TMEM87B: variants seen among roughly 807,000 people sequenced by gnomAD.
The protein encoded by TMEM87B is transmembrane protein 87B.
Under a neutral mutation model 80.3 loss-of-function variants are expected in TMEM87B, and 83 were observed. The ratio of observed to expected loss-of-function variants is 1.03; its 90% CI spans 0.87 to 1.24. TMEM87B has a LOEUF of 1.24. Among genes scored for constraint, TMEM87B ranks in the 50% most tolerant of loss-of-function variants. The pLI, the probability that TMEM87B is intolerant of heterozygous loss-of-function variation, is 0.00. For synonymous variants in TMEM87B, 219 were observed against 230.5 expected (o/e 0.95, Z 0.45); for missense variants, 625 against 674.4 (o/e 0.93, Z 0.81).
rs1678029763 is a variant in TMEM87B, at chr2:112,055,746, C to A, written c.155C>A (p.Thr52Lys). The change falls in exon 1 of 19, where the codon ACA (threonine) becomes AAA (lysine). Residue 52 changes from threonine (T) to lysine (K), a missense_variant. By Grantham distance (78) the Thr-to-Lys change is moderately conservative. Transcript: ENST00000283206. ...AVPELGLWLE[T>K]VNDKSGPLIF... ...CCTGAGCTCGGGCTCTGGTTAGAGA[C>A]AGTCAACGACGTAAGTGGAGTGTCG... 3.3e-6 allele frequency: 5 copies of A among 1,493,906 alleles called. No homozygotes were observed. Among genetic ancestry groups the A allele is most frequent in the East Asian group, 5.3e-5 (2 of 37,822 alleles). 92.5% of individuals were successfully genotyped at this position (1,493,906 alleles called of 1,614,324 possible). A position where few individuals can be genotyped will look rare whatever the true frequency, so the allele number is the denominator to read the frequency against.
chr2:112,112,756 G>A, intron 17 of TMEM87B, 143 bp from the exon 18 acceptor site: 3 of 728,830 alleles, frequency 4.1e-6, no homozygotes, highest in South Asian at 3.6e-5. Flanking sequence ...GTCTGTCTGC[G>A]AGCCTAGATG....
At chr2:112,096,199 C>G (rs1679464249) in intron 11 of TMEM87B, among the ~76,000 whole-genome samples, 1 of 152,154 alleles carries the variant, frequency 6.6e-6, no homozygotes, top group East Asian at 1.9e-4. Context: ...ATCCACTGAT[C>G]GATCTGAACA....
intron 11 of TMEM87B, chr2:112,095,170 T>C (rs1573716497): frequency 2.0e-4 from 16 of 79,126 alleles, no homozygotes; most frequent in Non-Finnish European, 2.2e-4. Flanking sequence ...TCTTTCTTTT[T>C]TTTTTTTTTT....
At chr2:112,095,088 T>C in intron 11 of TMEM87B, 1 of 787,828 alleles carries the variant, frequency 1.3e-6, no homozygotes. Context: ...GCCATAGCCT[T>C]AGCCTTTCTC....
rs560346971 is a variant in TMEM87B, at chr2:112,116,153, G to A, written c.*10G>A. The A allele has an allele frequency of 3.0e-4, 490 of 1,609,336 alleles. 6 individuals carry two copies. In the South Asian group the frequency reaches 4.7e-3, roughly 15 times the overall value. ...AGAAAAGATAATGTGATTGGAACCC[G>A]TATAAGAAATGTAGTTAAGCCTGAA... On this transcript the variant is annotated 3_prime_UTR_variant, in exon 19 of 19. Coordinates refer to ENST00000283206, the MANE Select transcript of TMEM87B (RefSeq NM_032824.3).
chr2:112,092,527 G>C (rs1679334808), intron 11 of TMEM87B, among the ~76,000 whole-genome samples: 1 of 152,220 alleles, frequency 6.6e-6, no homozygotes, highest in African/African-American at 2.4e-5. Context: ...GATGACGTGG[G>C]AAAGGAGAGT....
chr2:112,075,853 G>A (rs796154152), intron 5 of TMEM87B, among the ~76,000 whole-genome samples: 3 of 152,288 alleles, frequency 2.0e-5, no homozygotes, highest in African/African-American at 7.2e-5. Context: ...GTCATATGAT[G>A]AGGAGTAGGA....
At chr2:112,115,731 G>A (rs1000057611) in intron 18 of TMEM87B, among the ~76,000 whole-genome samples, 3 of 152,098 alleles carry the variant, frequency 2.0e-5, no homozygotes, top group Non-Finnish European at 2.9e-5. Flanking sequence ...GGAAGTTGAA[G>A]TTTTCTGAAC....
At chr2:112,111,377 A>G (rs1679912315) in intron 17 of TMEM87B, among the ~76,000 whole-genome samples, 1 of 152,204 alleles carries the variant, frequency 6.6e-6, no homozygotes, top group Admixed American at 6.5e-5. Context: ...TTCTCTTTGC[A>G]TGTGAGGAAG....
chr2:112,067,947 C>T (rs1294280231), intron 4 of TMEM87B, among the ~76,000 whole-genome samples: 2 of 152,176 alleles, frequency 1.3e-5, no homozygotes, highest in Non-Finnish European at 2.9e-5. Context: ...GGCGTGGTGG[C>T]TCAGCCTGTA....
intron 1 of TMEM87B, among the ~76,000 whole-genome samples, chr2:112,058,046 C>T (rs904707624): frequency 6.6e-6 from 1 of 151,880 alleles, no homozygotes; most frequent in African/African-American, 2.4e-5. Context: ...AGGCTGGTCT[C>T]GAACTCCTGA....
At chr2:112,103,338 G>A (rs570132297) in intron 15 of TMEM87B, among the ~76,000 whole-genome samples, 1 of 152,208 alleles carries the variant, frequency 6.6e-6, no homozygotes, top group South Asian at 2.1e-4. Context: ...GTCTGAATTG[G>A]AACTCTCAGT....
In TMEM87B at chr2:112,097,986, T is replaced by G. The variant is rs911395239; in HGVS notation, c.1273-609T>G. 3.5e-4 allele frequency among the ~76,000 whole-genome samples: 53 copies of G among 151,958 alleles called. 1 individual carries two copies. The highest frequency in any genetic ancestry group is 8.5e-4 in the Admixed American group (13 of 15,258). On this transcript the variant is annotated intron_variant, in intron 13 of 18. Transcript: ENST00000283206. ...TGGGCATTCGAGCGATGTTTTCTTT[T>G]TTTTTTTTGAGATGAGTCTCACTCC...
At chr2:112,094,161 CT>C (rs755031584) in intron 11 of TMEM87B, among the ~76,000 whole-genome samples, 635 of 128,706 alleles carry the variant, frequency 4.9e-3, no homozygotes, top group African/African-American at 8.0e-3. Context: ...ATTTCTTGTT[CT>C]TTTTTTTTTT....
chr2:112,083,036 G>T (rs970329306), intron 8 of TMEM87B, among the ~76,000 whole-genome samples: 1 of 152,228 alleles, frequency 6.6e-6, no homozygotes, highest in African/African-American at 2.4e-5. Context: ...TCCCAAGTGG[G>T]AATTCTGTGA....
At chr2:112,070,608 T>C (rs1416290111) in intron 4 of TMEM87B, among the ~76,000 whole-genome samples, 2 of 152,230 alleles carry the variant, frequency 1.3e-5, no homozygotes, top group African/African-American at 2.4e-5. Flanking sequence ...TCAGGTAGCA[T>C]GATGCCTCCA....
intron 14 of TMEM87B, among the ~76,000 whole-genome samples, chr2:112,100,080 T>C (rs1256630195): frequency 1.3e-5 from 2 of 152,224 alleles, no homozygotes; most frequent in Non-Finnish European, 2.9e-5. Context: ...TTCAGAATGC[T>C]GTTGGACATC....
intron 7 of TMEM87B, 73 bp from the exon 8 acceptor site, chr2:112,081,262 A>G: frequency 6.8e-7 from 1 of 1,461,264 alleles, no homozygotes; most frequent in Non-Finnish European, 9.4e-7. Flanking sequence ...AGGGTTGGAT[A>G]CTTGAATGTA....
chr2:112,089,868 A>T, intron 10 of TMEM87B, 150 bp downstream of exon 10: 1 of 712,582 alleles, frequency 1.4e-6, no homozygotes, highest in Non-Finnish European at 2.4e-6. Flanking sequence ...CTTTTAAAAT[A>T]CTTCCTGAAA....
Sources: gnomAD v4.1 joint callset for allele counts (sites outside exome capture counted in the v4.1 genomes callset) on GRCh38, gnomAD v4.1.1 for gene constraint, MANE v1.5 for transcripts, NCBI Gene and HGNC (gene_info 2026-07-23, HGNC 2026-07-21) for gene names.